ERG28: variants seen among roughly 807,000 people sequenced by gnomAD.
ERG28 encodes the protein ergosterol biosynthesis 28 homolog, also known as ergosterol biosynthetic protein 28 homolog.
Under a neutral mutation model 15.7 loss-of-function variants are expected in ERG28, and 9 were observed. The ratio of observed to expected loss-of-function variants is 0.57; its 90% CI spans 0.35 to 1.00. The LOEUF is 1.00. ERG28 is among the 50% of genes least tolerant of loss of function. The pLI is 0.02. For missense variants in ERG28, 117 were observed against 173.3 expected (o/e 0.68, Z 1.82); for synonymous variants, 61 against 68.4 (o/e 0.89, Z 0.53).
At chr14:75,651,974 A>G in intron 3 of ERG28, 85 bp from the exon 4 acceptor site, 1 of 1,204,144 alleles carries the variant, frequency 8.3e-7, no homozygotes, top group Non-Finnish European at 1.2e-6. Flanking sequence ...ACAGACAAAT[A>G]AGAACCCAGG....
chr14:75,659,561 G>GA (rs1297796894), intron 1 of ERG28, among the ~76,000 whole-genome samples: 1 of 72,428 alleles, frequency 1.4e-5, no homozygotes, highest in Non-Finnish European at 2.7e-5. Context: ...ACAGCACCCA[G>GA]CCTTTTTTTT....
chr14:75,655,639 C>A (rs1204456640), intron 2 of ERG28, among the ~76,000 whole-genome samples: 1 of 152,178 alleles, frequency 6.6e-6, no homozygotes, highest in Non-Finnish European at 1.5e-5. Context: ...AGGTCATATT[C>A]CACCATAACA....
In ERG28 at chr14:75,656,783, T is replaced by C. The variant is rs554840673; in HGVS notation, c.133+587A>G. Among the ~76,000 whole-genome samples, 19 of 152,308 alleles carry C rather than the reference T, an allele frequency of 1.2e-4. No individual in the cohort carries two copies. The East Asian group carries it at 2.7e-3, about 22-fold the overall frequency. On this transcript the variant is annotated intron_variant, in intron 2 of 4. Transcript: ENST00000256319. ...CTGCCATGGGCCTTCTTAAGTTTCA[T>C]TTTGGGAGACCAACTTGAAGGGATT...
intron 2 of ERG28, 63 bp downstream of exon 2, chr14:75,657,307 A>G: frequency 6.4e-7 from 1 of 1,566,706 alleles, no homozygotes; most frequent in Non-Finnish European, 8.7e-7. Flanking sequence ...TGGTTTGGGA[A>G]CCACAGCATA....
At chr14:75,657,337 T>C (rs1307615595) in intron 2 of ERG28, 33 bp downstream of exon 2, 15 of 1,612,956 alleles carry the variant, frequency 9.3e-6, no homozygotes, top group Non-Finnish European at 1.3e-5. Flanking sequence ...CTATAAGTCC[T>C]ATAAAGGATG....
rs1372348292 is a variant in ERG28 at position 75,651,326 on chromosome 14, T to C, written c.*229A>G. ...TCCGAGAAGCTGGCAATTTCTTGAC[T>C]TGGATGGAGTTACGTAGTATTCACT... On this transcript the variant is annotated 3_prime_UTR_variant, in exon 5 of 5. Transcript: ENST00000256319. 1 of 356,354 alleles carries C rather than the reference T, an allele frequency of 2.8e-6. No individual in the cohort carries two copies. Among genetic ancestry groups the C allele is most frequent in the Non-Finnish European group, 5.0e-6 (1 of 198,792 alleles). 22.1% of individuals were successfully genotyped at this position (356,354 alleles called of 1,614,324 possible). A position where few individuals can be genotyped will look rare whatever the true frequency, so the allele number is the denominator to read the frequency against.
rs1020084195 is a variant in ERG28, at chr14:75,651,469, G to A, written c.*86C>T. On this transcript the variant is annotated 3_prime_UTR_variant, in exon 5 of 5. Coordinates refer to ENST00000256319, the MANE Select transcript of ERG28 (RefSeq NM_007176.4). ...GAATAAAAGGGCAGATGATGGAATA[G>A]AAAAGAAATTAAAGAGGAGAGACGA... The A allele has an allele frequency of 7.5e-7, 1 of 1,331,538 alleles. No individual in the cohort carries two copies. Among genetic ancestry groups the A allele is most frequent in the African/African-American group, 1.5e-5 (1 of 67,706 alleles). The allele number at this position is 1,331,538 out of a possible 1,614,324, so 82.5% of individuals were successfully genotyped here.
At chr14:75,653,825 A>G (rs1336143085) in intron 3 of ERG28, among the ~76,000 whole-genome samples, 1 of 152,132 alleles carries the variant, frequency 6.6e-6, no homozygotes, top group East Asian at 1.9e-4. Context: ...AAGGAAGGTG[A>G]ATAATGGACT....
Position 75,654,944 on chromosome 14 carries a change from A to G in ERG28, c.166T>C (p.Trp56Arg), listed in dbSNP as rs781660674. Reference sequence around the variant, plus strand: ...CGAATCACTGATGAGAGCAGCGTCCAGATCCCAAAGGTCCGAGCTTGGAGG... The same window carrying G: ...CGAATCACTGATGAGAGCAGCGTCCGGATCCCAAAGGTCCGAGCTTGGAGG... ...NGLQARTFGI[W>R]TLLSSVIRCL... The change falls in exon 3 of 5, where the codon TGG becomes CGG. Residue 56 changes from tryptophan (W) to arginine (R), a missense_variant. Transcript: ENST00000256319. 1.2e-6 allele frequency: 2 copies of G among 1,614,170 alleles called. No individual in the cohort carries two copies. Among genetic ancestry groups the G allele is most frequent in the Admixed American group, 1.7e-5 (1 of 60,026 alleles).
chr14:75,654,834 C>A, intron 3 of ERG28, 52 bp downstream of exon 3: 1 of 1,525,622 alleles, frequency 6.6e-7, no homozygotes, highest in Non-Finnish European at 9.1e-7. Context: ...AGGTATGCCT[C>A]GCATCTGATT....
chr14:75,651,990 A>G, intron 3 of ERG28, 101 bp from the exon 4 acceptor site: 4 of 1,023,234 alleles, frequency 3.9e-6, no homozygotes, highest in South Asian at 1.5e-5. Flanking sequence ...CCAGGATGTC[A>G]TTAAGACTTA....
chr14:75,658,986 G>C (rs1045559919), intron 1 of ERG28, among the ~76,000 whole-genome samples: 3 of 152,128 alleles, frequency 2.0e-5, no homozygotes, highest in Non-Finnish European at 4.4e-5. Context: ...CAGCAATCTT[G>C]GTGTTGGGTT....
intron 3 of ERG28, among the ~76,000 whole-genome samples, chr14:75,654,540 G>T (rs920829663): frequency 1.3e-5 from 2 of 152,202 alleles, no homozygotes; most frequent in Non-Finnish European, 2.9e-5. Flanking sequence ...ATGTGAGAAA[G>T]GTATGTGTGG....
rs2140062103 is a variant in ERG28, at chr14:75,650,760, C to G, written c.*795G>C. On this transcript the variant is annotated 3_prime_UTR_variant, in exon 5 of 5. Coordinates refer to ENST00000256319, the MANE Select transcript of ERG28 (RefSeq NM_007176.4). ...AATGACAGTAAGGAGCCGGAGGCAG[C>G]CAGGCTGACCTGTGTCATGAGCTGT... 1 of 152,586 alleles carries G rather than the reference C, an allele frequency of 6.6e-6. No individual in the cohort carries two copies. The highest frequency in any genetic ancestry group is 2.1e-4 in the South Asian group (1 of 4,832). The allele number at this position is 152,586 out of a possible 1,614,324, so 9.5% of individuals were successfully genotyped here.
intron 3 of ERG28, among the ~76,000 whole-genome samples, chr14:75,652,916 T>C (rs1176006447): frequency 4.0e-5 from 6 of 149,892 alleles, no homozygotes; most frequent in Non-Finnish European, 8.9e-5. Context: ...CTCCGCCTCT[T>C]GGGTCAAGTG....
intron 3 of ERG28, among the ~76,000 whole-genome samples, chr14:75,653,982 G>A (rs1046392977): frequency 4.6e-5 from 7 of 151,768 alleles, no homozygotes; most frequent in African/African-American, 1.7e-4. Flanking sequence ...GAGATCAAAC[G>A]GCTAATAGCC....
chr14:75,656,619 G>A (rs1890601615), intron 2 of ERG28, among the ~76,000 whole-genome samples: 1 of 152,142 alleles, frequency 6.6e-6, no homozygotes, highest in Admixed American at 6.5e-5. Context: ...GCCTGAATCT[G>A]GGTTAGCTAT....
chr14:75,651,649 A>T lies in ERG28; in HGVS notation c.344-15T>A. On this transcript the variant is annotated splice_polypyrimidine_tract_variant and intron_variant, in intron 4 of 4. Coordinates refer to ENST00000256319, the MANE Select transcript of ERG28 (RefSeq NM_007176.4). ...GATGGAGAAACCTTAAATACAGAGG[A>T]AAGACTAGTGACTAACATACATACG... 6.2e-7 allele frequency: 1 copy of T among 1,610,380 alleles called. No homozygotes were observed. The highest frequency in any genetic ancestry group is 8.5e-7 in the Non-Finnish European group (1 of 1,176,656).
chr14:75,654,693 A>G (rs1166227843), intron 3 of ERG28, among the ~76,000 whole-genome samples, 193 bp downstream of exon 3: 1 of 152,184 alleles, frequency 6.6e-6, no homozygotes, highest in Non-Finnish European at 1.5e-5. Context: ...GAATTTTCAG[A>G]CTTTAATGAA....
Sources: allele counts gnomAD v4.1 joint callset (sites outside exome capture counted in the v4.1 genomes callset), GRCh38; gene constraint gnomAD v4.1.1; transcripts MANE v1.5; gene names NCBI Gene and HGNC (gene_info 2026-07-23, HGNC 2026-07-21).